GPR143: variants seen among roughly 807,000 people sequenced by gnomAD.
The protein encoded by GPR143 is G-protein coupled receptor 143.
GPR143 carries 8 observed loss-of-function variants against 27.6 expected under a neutral mutation model. The observed-to-expected ratio is 0.29, with a 90% CI of 0.17 to 0.52. GPR143 has a LOEUF of 0.52. Ranked by LOEUF, GPR143 falls within the 20% of genes least tolerant of loss-of-function variation. The pLI, the probability that GPR143 is intolerant of heterozygous loss-of-function variation, is 0.96. For missense variants in GPR143, 303 were observed against 343.1 expected (o/e 0.88, Z 0.92); for synonymous variants, 156 against 153.2 (o/e 1.02, Z -0.13).
At chrX:9,766,235 T>C, upstream of GPR143, 1 of 117,070 alleles carries the variant, frequency 8.5e-6, no homozygotes, top group East Asian at 2.6e-4. Flanking sequence ...TCTTTCCTAT[T>C]TGGGACTCTG....
intron 1 of GPR143, among the ~76,000 whole-genome samples, chrX:9,771,726 T>TTTTTTTTTTTTTTTTTTC (rs1569127783): frequency 9.7e-6 from 1 of 103,292 alleles, no homozygotes. Flanking sequence ...TTTTTTTTTT[T>TTTTTTTTTTTTTTTTTTC]TGGATGGAGT....
Position 9,738,354 on chromosome X carries a change from A to C in GPR143, c.1120+1131T>G. The stretch of plus-strand genomic sequence containing the variant: ...CTTCATTCCCTAGATGGTATCAGTA[A>C]CTCTACAGACTAACAGCAGTTCCAG... On this transcript the variant is annotated intron_variant, in intron 8 of 8. Transcript: ENST00000467482. The C allele has an allele frequency of 4.4e-6, 3 of 678,125 alleles. No individual in the cohort carries two copies. The African/African-American group carries it at 7.1e-5, about 16-fold the overall frequency. The allele number at this position is 678,125 out of a possible 1,213,427, so 55.9% of individuals were successfully genotyped here.
intron 3 of GPR143, among the ~76,000 whole-genome samples, chrX:9,755,705 C>T (rs6640500): frequency 0.13 from 14,754 of 110,675 alleles, 848 homozygotes; most frequent in South Asian, 0.28. Flanking sequence ...GGAAGTCACA[C>T]GATAGGATAG....
intron 7 of GPR143, 31 bp from the exon 8 acceptor site, chrX:9,739,750 T>C: frequency 1.1e-6 from 1 of 949,403 alleles, no homozygotes; most frequent in Non-Finnish European, 1.5e-6. Flanking sequence ...CACATGGCAG[T>C]CAGTGCAGCG....
chrX:9,726,482 C>G lies in GPR143; in HGVS notation c.1121-642G>C, dbSNP rs756851795. Among the ~76,000 whole-genome samples the G allele has an allele frequency of 4.5e-5, 5 of 111,923 alleles. No homozygotes were observed. The South Asian group carries it at 1.5e-3, about 34-fold the overall frequency. ...ACACAGTAGTACATGCCTGGTAACT[C>G]TGTCAAATTGGGCTCATTTTTTCTG... On this transcript the variant is annotated intron_variant, in intron 8 of 8. Coordinates refer to ENST00000467482, the MANE Select transcript of GPR143 (RefSeq NM_000273.3).
upstream of GPR143, among the ~76,000 whole-genome samples, chrX:9,766,907 A>T (rs781472197): frequency 0.081 from 2,592 of 32,172 alleles, 66 homozygotes; most frequent in African/African-American, 0.17. Flanking sequence ...TCTCTCTCAC[A>T]CACACACACA....
intron 1 of GPR143, among the ~76,000 whole-genome samples, chrX:9,765,288 C>T (rs1470719177): frequency 9.0e-6 from 1 of 111,438 alleles, no homozygotes; most frequent in East Asian, 2.9e-4. Flanking sequence ...AACCCCAGGG[C>T]CTCACGCCCT....
chrX:9,760,722 T>C lies in GPR143; in HGVS notation c.355A>G (p.Ser119Gly), dbSNP rs1178755357. Reference sequence around the variant, plus strand: ...TGCAGAGGGGGTGGACTCACCGCACTCCCCACGCAGAAAGCAGCAGGCCAA... The same window carrying C: ...TGCAGAGGGGGTGGACTCACCGCACCCCCCACGCAGAAAGCAGCAGGCCAA... ...EIWPAAFCVG[S>G]AMWIQLLYSA... The change falls in exon 2 of 9, where the codon AGT becomes GGT. Residue 119 changes from serine to glycine, a missense_variant. Transcript: ENST00000467482. 8.8e-7 allele frequency: 1 copy of C among 1,142,729 alleles called. No individual in the cohort carries two copies. The highest frequency in any genetic ancestry group is 1.2e-6 in the Non-Finnish European group (1 of 836,094). The allele number at this position is 1,142,729 out of a possible 1,213,427, so 94.2% of individuals were successfully genotyped here. A position where few individuals can be genotyped will look rare whatever the true frequency, so the allele number is the denominator to read the frequency against.
At chrX:9,758,779 T>A (rs1398126259) in intron 3 of GPR143, among the ~76,000 whole-genome samples, 2 of 110,628 alleles carry the variant, frequency 1.8e-5, no homozygotes, top group African/African-American at 6.6e-5. Flanking sequence ...AGCTACAGAC[T>A]GAGGAGGCCG....
At position 9,743,555 on chromosome X, in the gene GPR143, G is replaced by T. The variant is rs3788938; in HGVS notation, c.767+10C>A. 19 of 1,013,890 alleles carry T rather than the reference G, an allele frequency of 1.9e-5. No homozygotes were observed. The African/African-American group carries it at 3.0e-4, about 16-fold the overall frequency. The allele number at this position is 1,013,890 out of a possible 1,213,427, so 83.6% of individuals were successfully genotyped here. ...GCAATAAAAATACACATATATAGAA[G>T]AAAGGTTACCAAATAATTAAAACCA... On this transcript the variant is annotated intron_variant, in intron 6 of 8. Coordinates refer to ENST00000467482, the MANE Select transcript of GPR143 (RefSeq NM_000273.3).
At chrX:9,742,768 G>A (rs1021002600) in intron 6 of GPR143, among the ~76,000 whole-genome samples, 4 of 111,665 alleles carry the variant, frequency 3.6e-5, no homozygotes, top group Admixed American at 1.9e-4. Flanking sequence ...CCTCTGTCAG[G>A]CACAGGAATT....
intron 3 of GPR143, among the ~76,000 whole-genome samples, chrX:9,751,039 A>G (rs1166886516): frequency 8.9e-6 from 1 of 112,428 alleles, no homozygotes; most frequent in Admixed American, 9.4e-5. Context: ...ACAGGTTTGA[A>G]CCGAATGCAA....
chrX:9,728,400 A>AAC (rs1491370850), intron 8 of GPR143, among the ~76,000 whole-genome samples: 2 of 64,925 alleles, frequency 3.1e-5, no homozygotes, highest in African/African-American at 9.7e-5. Flanking sequence ...GTTAAGGAAC[A>AAC]AAAAAAAAAA....
At chrX:9,757,346 C>A (rs1323604055) in intron 3 of GPR143, among the ~76,000 whole-genome samples, 1 of 112,181 alleles carries the variant, frequency 8.9e-6, no homozygotes, top group African/African-American at 3.2e-5. Flanking sequence ...GGCCCTGCCT[C>A]CTAATACCAT....
chrX:9,748,068 C>A (rs774692076), intron 4 of GPR143: 10 of 123,052 alleles, frequency 8.1e-5, no homozygotes, highest in Non-Finnish European at 1.5e-4. Flanking sequence ...GCGGCCACAT[C>A]TCCCTCTGTG....
At chrX:9,742,914 C>A (rs930995766) in intron 6 of GPR143, among the ~76,000 whole-genome samples, 1 of 111,426 alleles carries the variant, frequency 9.0e-6, no homozygotes. Flanking sequence ...TGAGACCAGC[C>A]TGGCCAACAT....
intron 8 of GPR143, among the ~76,000 whole-genome samples, chrX:9,731,359 ACT>A (rs1305933422): frequency 3.2e-5 from 3 of 92,744 alleles, no homozygotes; most frequent in African/African-American, 9.8e-5. Context: ...ACAGAGCAAG[ACT>A]CTGTCTCAAA....
At chrX:9,776,954 T>A (rs942036028) in intron 1 of GPR143, among the ~76,000 whole-genome samples, 1 of 111,551 alleles carries the variant, frequency 9.0e-6, no homozygotes. Context: ...CAGAAAACTT[T>A]AAAAAATGAG....
At chrX:9,760,867 C>G in intron 1 of GPR143, 41 bp from the exon 2 acceptor site, 1 of 675,360 alleles carries the variant, frequency 1.5e-6, no homozygotes. Flanking sequence ...TGATCCTAAT[C>G]AAATATAAAG....
Sources: gnomAD v4.1 joint callset for allele counts (sites outside exome capture counted in the v4.1 genomes callset) on GRCh38, gnomAD v4.1.1 for gene constraint, MANE v1.5 for transcripts, NCBI Gene and HGNC (gene_info 2026-07-23, HGNC 2026-07-21) for gene names.